ASAP2: variants seen among roughly 807,000 people sequenced by gnomAD.
ASAP2 encodes ArfGAP with SH3 domain, ankyrin repeat and PH domain 2, also known as arf-GAP with SH3 domain, ANK repeat and PH domain-containing protein 2.
A neutral mutation model predicts 131.4 loss-of-function variants in ASAP2; 45 were observed. The observed-to-expected ratio is 0.34, with a 90% confidence interval of 0.27 to 0.44. The LOEUF (loss-of-function observed/expected upper bound fraction) is 0.44, where lower values mean the gene tolerates loss of function less well. ASAP2 is among the 20% of genes least tolerant of loss of function. ASAP2 has a pLI of 1.00. For synonymous variants in ASAP2, 510 were observed against 503.0 expected, an observed-to-expected ratio of 1.01 and a Z score of -0.19; for missense variants, 1,011 against 1,297.0, an observed-to-expected ratio of 0.78 and a Z score of 3.39.
At chr2:9,254,416 C>G (rs1282174687) in intron 1 of ASAP2, among the ~76,000 whole-genome samples, 2 of 140,174 alleles carry the variant, frequency 1.4e-5, no homozygotes, top group Non-Finnish European at 3.1e-5. Context: ...GCAGTGGCAT[C>G]ATCCCAGCTC....
rs758006147 is a variant in ASAP2 at position 9,327,942 on chromosome 2, T to C, written c.686+31T>C. The C allele has an allele frequency of 1.7e-5, 25 of 1,502,034 alleles. No individual in the cohort carries two copies. The Admixed American group carries it at 3.7e-4, about 22-fold the overall frequency. 93.0% of individuals were successfully genotyped at this position (1,502,034 alleles called of 1,614,324 possible). On this transcript the variant is annotated intron_variant, in intron 7 of 27. Coordinates refer to ENST00000281419, the MANE Select transcript of ASAP2 (RefSeq NM_003887.3). Reference sequence around the variant, plus strand: ...TTCTTCTCTGTTATGTTATCTTAAATGTTTGTTCATGTGTGGCAACTTCTG... The same window carrying C: ...TTCTTCTCTGTTATGTTATCTTAAACGTTTGTTCATGTGTGGCAACTTCTG...
intron 2 of ASAP2, among the ~76,000 whole-genome samples, chr2:9,286,504 T>G (rs974673707): frequency 6.6e-6 from 1 of 151,720 alleles, no homozygotes; most frequent in South Asian, 2.1e-4. Flanking sequence ...AATAACAAAA[T>G]CAGAATAATC....
intron 3 of ASAP2, among the ~76,000 whole-genome samples, chr2:9,314,969 G>A (rs1281935262): frequency 6.6e-6 from 1 of 152,002 alleles, no homozygotes; most frequent in African/African-American, 2.4e-5. Flanking sequence ...TGGAGGATCT[G>A]GGGGAGGGAG....
intron 1 of ASAP2, among the ~76,000 whole-genome samples, chr2:9,266,489 T>C (rs1665959174): frequency 6.6e-6 from 1 of 152,166 alleles, no homozygotes; most frequent in Non-Finnish European, 1.5e-5. Context: ...TGTTTTGTCC[T>C]CAGTGCTGTT....
chr2:9,269,414 G>A (rs7602301), intron 1 of ASAP2, among the ~76,000 whole-genome samples: 35,396 of 152,160 alleles, frequency 0.23, 4,587 homozygotes, highest in African/African-American at 0.33. Context: ...CCCACCCTGA[G>A]CCAGGTCATC....
chr2:9,382,437 G>C (rs1045695189), intron 20 of ASAP2, among the ~76,000 whole-genome samples: 1 of 152,228 alleles, frequency 6.6e-6, no homozygotes, highest in Admixed American at 6.5e-5. Flanking sequence ...CTGAGGTCCT[G>C]AGACACCCAT....
intron 1 of ASAP2, among the ~76,000 whole-genome samples, chr2:9,242,562 T>TGTGG (rs1281232488): frequency 6.6e-6 from 1 of 152,188 alleles, no homozygotes; most frequent in Non-Finnish European, 1.5e-5. Flanking sequence ...TTGGGCGGTG[T>TGTGG]GTGGGCTCTG....
At chr2:9,230,579 T>C (rs1663088273) in intron 1 of ASAP2, among the ~76,000 whole-genome samples, 1 of 152,158 alleles carries the variant, frequency 6.6e-6, no homozygotes, top group African/African-American at 2.4e-5. Flanking sequence ...GAAGGAGCAG[T>C]ATCTGTGTGC....
rs1663202929 is a variant in ASAP2 at position 9,232,028 on chromosome 2, C to G, written c.126+24798C>G. On this transcript the variant is annotated intron_variant, in intron 1 of 27. Transcript: ENST00000281419. The surrounding 1 kb of genome is among the most constrained non-coding windows in gnomAD (Gnocchi z 4.1). Reference sequence around the variant, plus strand: ...CATTCCTCCAGCTGCAGTGGGTGCCCCTGTCATTTGTCAGCCAGAGCATTC... The same window carrying G: ...CATTCCTCCAGCTGCAGTGGGTGCCGCTGTCATTTGTCAGCCAGAGCATTC... Among the ~76,000 whole-genome samples, 1 of 152,234 alleles carries G rather than the reference C, an allele frequency of 6.6e-6. No individual in the cohort carries two copies. The highest frequency in any genetic ancestry group is 1.5e-5 in the Non-Finnish European group (1 of 68,044).
chr2:9,354,612 C>T (rs1013885099), intron 12 of ASAP2, among the ~76,000 whole-genome samples: 23 of 150,236 alleles, frequency 1.5e-4, no homozygotes, highest in African/African-American at 5.4e-4. Flanking sequence ...CACCACTCCA[C>T]TCCAACCTGG....
intron 21 of ASAP2, among the ~76,000 whole-genome samples, chr2:9,387,239 T>A (rs1675355603): frequency 7.3e-6 from 1 of 136,148 alleles, no homozygotes; most frequent in Non-Finnish European, 1.5e-5. Context: ...CATATAACCT[T>A]CAGGGGGGAG....
At chr2:9,287,925 G>A (rs1262015541) in intron 2 of ASAP2, among the ~76,000 whole-genome samples, 3 of 152,180 alleles carry the variant, frequency 2.0e-5, no homozygotes, top group Non-Finnish European at 4.4e-5. Context: ...GTGTTGGCAT[G>A]AATCATACTT....
chr2:9,275,314 C>T (rs1254299845), intron 1 of ASAP2, among the ~76,000 whole-genome samples: 2 of 152,138 alleles, frequency 1.3e-5, no homozygotes, highest in Non-Finnish European at 2.9e-5. Flanking sequence ...AAACATTCTT[C>T]CCACCTTGGC....
rs1229645882 is a variant in ASAP2, at chr2:9,311,172, G to T, written c.346-7352G>T. Reference sequence around the variant, plus strand: ...TTTGGGAGGCTGAGGTGGGTAGGTTGCTTGAGCCCAGAAGTTTGAGACCAG... The same window carrying T: ...TTTGGGAGGCTGAGGTGGGTAGGTTTCTTGAGCCCAGAAGTTTGAGACCAG... On this transcript the variant is annotated intron_variant, in intron 3 of 27. Coordinates refer to ENST00000281419, the MANE Select transcript of ASAP2 (RefSeq NM_003887.3). The surrounding 1 kb of genome is among the most constrained non-coding windows in gnomAD (Gnocchi z 5.2). Among the ~76,000 whole-genome samples, 1 of 152,018 alleles carries T rather than the reference G, an allele frequency of 6.6e-6. No individual in the cohort carries two copies. Among genetic ancestry groups the T allele is most frequent in the East Asian group, 1.9e-4 (1 of 5,180 alleles).
At chr2:9,336,807 A>G (rs1425143538) in intron 9 of ASAP2, among the ~76,000 whole-genome samples, 1 of 152,256 alleles carries the variant, frequency 6.6e-6, no homozygotes, top group African/African-American at 2.4e-5. Flanking sequence ...CGAGGGCAGG[A>G]GCCAGAATGC....
chr2:9,403,236 A>C lies in ASAP2; in HGVS notation c.2947-17A>C. ...ATTTGGAATTTTAATAACAACCTAC[A>C]CTTTTCTCCATTTCAGATTGGCCAC... On this transcript the variant is annotated splice_polypyrimidine_tract_variant and intron_variant, in intron 27 of 27. Coordinates refer to ENST00000281419, the MANE Select transcript of ASAP2 (RefSeq NM_003887.3). The C allele has an allele frequency of 1.2e-6, 2 of 1,611,986 alleles. No individual in the cohort carries two copies. The highest frequency in any genetic ancestry group is 1.7e-6 in the Non-Finnish European group (2 of 1,178,284).
chr2:9,240,140 G>T (rs1374984684), intron 1 of ASAP2, among the ~76,000 whole-genome samples: 1 of 151,942 alleles, frequency 6.6e-6, no homozygotes, highest in East Asian at 1.9e-4. Flanking sequence ...TATCCCTGGG[G>T]GGTATGTTCC....
In ASAP2 at chr2:9,356,627, G is replaced by A. The variant is rs953026532; in HGVS notation, c.1327+282G>A. On this transcript the variant is annotated intron_variant, in intron 14 of 27. Coordinates refer to ENST00000281419, the MANE Select transcript of ASAP2 (RefSeq NM_003887.3). ...TGCTTTTTGAGAAATGAAAACTGAAGGGTACAGTGAGAGTGAACTCAAGGT... is the reference window on the plus strand; with the variant it reads ...TGCTTTTTGAGAAATGAAAACTGAAAGGTACAGTGAGAGTGAACTCAAGGT... Among the ~76,000 whole-genome samples the A allele has an allele frequency of 3.1e-4, 47 of 152,182 alleles. No homozygotes were observed. The highest frequency in any genetic ancestry group is 1.3e-4 in the Non-Finnish European group (9 of 68,050).
intron 7 of ASAP2, among the ~76,000 whole-genome samples, chr2:9,334,039 CTTTTTTTTT>C (rs35495550): frequency 1.9e-5 from 1 of 53,248 alleles, no homozygotes; most frequent in Non-Finnish European, 3.4e-5. Flanking sequence ...TGTCTTTCTC[CTTTTTTTTT>C]TTTTTTTTTT....
Sources: gnomAD v4.1 joint callset for allele counts (sites outside exome capture counted in the v4.1 genomes callset) on GRCh38, gnomAD v4.1.1 for gene constraint, Gnocchi (gnomAD v3.1) non-coding constraint, MANE v1.5 for transcripts, NCBI Gene and HGNC (gene_info 2026-07-23, HGNC 2026-07-21) for gene names.